The following HSBP1 variants were observed in gnomAD, a reference collection of about 807,000 sequenced individuals.
The protein encoded by HSBP1 is heat shock factor binding protein 1, also known as heat shock factor-binding protein 1.
Under a neutral mutation model 9.6 loss-of-function variants are expected in HSBP1, and 5 were observed. That is an observed-to-expected ratio of 0.52 (90% CI 0.27 to 1.09). The LOEUF (loss-of-function observed/expected upper bound fraction) is 1.09. Ranked by LOEUF, HSBP1 falls within the 50% of genes least tolerant of loss-of-function variation. HSBP1 has a pLI of 0.11. For synonymous variants in HSBP1, 42 were observed against 33.3 expected, an observed-to-expected ratio of 1.26 and a Z score of -0.90; for missense variants, 121 against 96.3, an observed-to-expected ratio of 1.26 and a Z score of -1.07.
intron 1 of HSBP1, 26 bp from the exon 2 acceptor site, chr16:83,808,654 T>C: frequency 1.9e-6 from 3 of 1,579,086 alleles, no homozygotes; most frequent in Non-Finnish European, 2.6e-6. Flanking sequence ...ATGTGGACCG[T>C]GTTTGTTTGT....
chr16:83,817,810 C>T lies in HSBP1; in HGVS notation c.*6392C>T, dbSNP rs1904755085. 1.3e-5 allele frequency: 2 copies of T among 152,126 alleles called. No individual in the cohort carries two copies. The highest frequency in any genetic ancestry group is 1.3e-4 in the Admixed American group (2 of 15,264). 9.4% of individuals were successfully genotyped at this position (152,126 alleles called of 1,614,324 possible). On this transcript the variant is annotated 3_prime_UTR_variant, in exon 4 of 4. Transcript: ENST00000433866. The stretch of plus-strand genomic sequence containing the variant: ...GTGCATTCTCCTGAAAACATAAGAC[C>T]ATTTGACTGATTCTGCTCCAGAATC...
chr16:83,808,037 T>G lies in HSBP1; in HGVS notation c.-40T>G. 1 of 1,507,542 alleles carries G rather than the reference T, an allele frequency of 6.6e-7. No homozygotes were observed. The allele number at this position is 1,507,542 out of a possible 1,614,324, so 93.4% of individuals were successfully genotyped here. On this transcript the variant is annotated 5_prime_UTR_variant, in exon 1 of 4. Coordinates refer to ENST00000433866, the MANE Select transcript of HSBP1 (RefSeq NM_001537.4). The stretch of plus-strand genomic sequence containing the variant: ...TGAGCGGACAAACGGAAGTGTAGGT[T>G]ACGGTCTGAGACATCACCGCCAAGC...
At chr16:83,810,763 G>A (rs1904584123) in intron 3 of HSBP1, among the ~76,000 whole-genome samples, 1 of 142,264 alleles carries the variant, frequency 7.0e-6, no homozygotes, top group South Asian at 2.3e-4. Context: ...GAGTCGTGAT[G>A]ATGCCACTGC....
chr16:83,809,182 G>T, intron 2 of HSBP1, 123 bp from the exon 3 acceptor site: 1 of 659,828 alleles, frequency 1.5e-6, no homozygotes, highest in Admixed American at 2.6e-5. Context: ...GCGTGTAACA[G>T]TGTCGAAAGA....
intron 1 of HSBP1, 160 bp downstream of exon 1, chr16:83,808,281 C>A: frequency 1.6e-6 from 1 of 642,628 alleles, no homozygotes; most frequent in Non-Finnish European, 2.6e-6. Context: ...ACCTTGACCC[C>A]CGGGGCGCTC....
rs1187078299 is a variant in HSBP1, at chr16:83,808,349, T to A, written c.45+228T>A. ...AGCCCGACCCCTTCCAGTAGCCCCA[T>A]TCATCTGTCGCGAACGCCCTCCGGG... On this transcript the variant is annotated intron_variant, in intron 1 of 3. Coordinates refer to ENST00000433866, the MANE Select transcript of HSBP1 (RefSeq NM_001537.4). 1.5e-5 allele frequency: 8 copies of A among 550,350 alleles called. No homozygotes were observed. The East Asian group carries it at 2.6e-4, about 18-fold the overall frequency. The allele number at this position is 550,350 out of a possible 1,614,324, so 34.1% of individuals were successfully genotyped here.
In HSBP1 at chr16:83,809,024, C is replaced by T. The variant is rs1469923101; in HGVS notation, c.112+278C>T. ...GCGCTTTTGTGTGTGTCTTTTGATG[C>T]TCAGCATGACCTTATGAGTGGGTTG... On this transcript the variant is annotated intron_variant, in intron 2 of 3. Coordinates refer to ENST00000433866, the MANE Select transcript of HSBP1 (RefSeq NM_001537.4). The T allele has an allele frequency of 2.0e-5, 11 of 547,786 alleles. No individual in the cohort carries two copies. The East Asian group carries it at 2.6e-4, about 13-fold the overall frequency. 33.9% of individuals were successfully genotyped at this position (547,786 alleles called of 1,614,324 possible). A position where few individuals can be genotyped will look rare whatever the true frequency, so the allele number is the denominator to read the frequency against.
rs887882274 is a variant in HSBP1 at position 83,811,789 on chromosome 16, C to G, written c.*371C>G. On this transcript the variant is annotated 3_prime_UTR_variant, in exon 4 of 4. Coordinates refer to ENST00000433866, the MANE Select transcript of HSBP1 (RefSeq NM_001537.4). ...ATTTTTTATTAAACAAATAGTAAACCCTTCAATTATAGTTAGTCTTGGTGA... is the reference window on the plus strand; with the variant it reads ...ATTTTTTATTAAACAAATAGTAAACGCTTCAATTATAGTTAGTCTTGGTGA... 6 of 151,896 alleles carry G rather than the reference C, an allele frequency of 4.0e-5. No homozygotes were observed. Among genetic ancestry groups the G allele is most frequent in the African/African-American group, 9.7e-5 (4 of 41,324 alleles). 9.4% of individuals were successfully genotyped at this position (151,896 alleles called of 1,614,324 possible).
intron 3 of HSBP1, among the ~76,000 whole-genome samples, chr16:83,810,006 C>T (rs1217798682): frequency 3.4e-5 from 5 of 148,016 alleles, no homozygotes; most frequent in African/African-American, 7.6e-5. Flanking sequence ...CACTGGCTAA[C>T]ATTAGATAAC....
Position 83,813,383 on chromosome 16 carries a change from TCTGTTGCCCAGGCTGGAG to T in HSBP1, c.*1966_*1983del, listed in dbSNP as rs1904645633. On this transcript the variant is annotated 3_prime_UTR_variant, in exon 4 of 4. Transcript: ENST00000433866. Reference sequence around the variant, plus strand: ...CACCTGCTAGTTTTCGAGGTCTCGCTCTGTTGCCCAGGCTGGAGTGCAGTGGCACAGTCATAGCTCACT... The same window carrying T: ...CACCTGCTAGTTTTCGAGGTCTCGCTTGCAGTGGCACAGTCATAGCTCACT... 1 of 152,596 alleles carries T rather than the reference TCTGTTGCCCAGGCTGGAG, an allele frequency of 6.6e-6. No homozygotes were observed. The highest frequency in any genetic ancestry group is 2.1e-4 in the South Asian group (1 of 4,846). The allele number at this position is 152,596 out of a possible 1,614,324, so 9.5% of individuals were successfully genotyped here.
At position 83,810,431 on chromosome 16, in the gene HSBP1, A is replaced by G. The variant is rs532519937; in HGVS notation, c.*3-990A>G. ...TTCATTTATAACATTTTAATTCTCT[A>G]TAAAAATGAATGTTGCTGAGGGAGG... On this transcript the variant is annotated intron_variant, in intron 3 of 3. Coordinates refer to ENST00000433866, the MANE Select transcript of HSBP1 (RefSeq NM_001537.4). Among the ~76,000 whole-genome samples, 4 of 151,708 alleles carry G rather than the reference A, an allele frequency of 2.6e-5. No homozygotes were observed. In the East Asian group the frequency reaches 7.7e-4, roughly 29 times the overall value.
intron 3 of HSBP1, among the ~76,000 whole-genome samples, chr16:83,809,643 A>G (rs947018079): frequency 6.6e-6 from 1 of 151,216 alleles, no homozygotes; most frequent in East Asian, 1.9e-4. Flanking sequence ...CCAATTTTGT[A>G]TTTTTAGTAG....
intron 1 of HSBP1, chr16:83,808,330 A>T: frequency 1.8e-6 from 1 of 556,052 alleles, no homozygotes; most frequent in Non-Finnish European, 3.1e-6. Flanking sequence ...CCCAAGCCCG[A>T]CCCCTTCCAG....
Position 83,808,041 on chromosome 16 carries a change from G to C in HSBP1, c.-36G>C, listed in dbSNP as rs1343606185. 1 of 1,530,088 alleles carries C rather than the reference G, an allele frequency of 6.5e-7. No individual in the cohort carries two copies. The highest frequency in any genetic ancestry group is 8.8e-7 in the Non-Finnish European group (1 of 1,136,144). The allele number at this position is 1,530,088 out of a possible 1,614,324, so 94.8% of individuals were successfully genotyped here. ...CGGACAAACGGAAGTGTAGGTTACG[G>C]TCTGAGACATCACCGCCAAGCTGGG... On this transcript the variant is annotated 5_prime_UTR_variant, in exon 1 of 4. Transcript: ENST00000433866.
At position 83,816,683 on chromosome 16, in the gene HSBP1, T is replaced by C. The variant is rs1904729369; in HGVS notation, c.*5265T>C. On this transcript the variant is annotated 3_prime_UTR_variant, in exon 4 of 4. Transcript: ENST00000433866. ...TCAAGAGTGTAGAAACCAGGGATGC[T>C]GCGTCAACACCCTACCATGCACAGG... is the stretch of plus-strand genomic sequence containing the variant. The C allele has an allele frequency of 6.6e-6, 1 of 152,142 alleles. No homozygotes were observed. Among genetic ancestry groups the C allele is most frequent in the Admixed American group, 6.5e-5 (1 of 15,276 alleles). The allele number at this position is 152,142 out of a possible 1,614,324, so 9.4% of individuals were successfully genotyped here. A position where few individuals can be genotyped will look rare whatever the true frequency, so the allele number is the denominator to read the frequency against.
chr16:83,819,045 C>G lies in HSBP1; in HGVS notation c.*7627C>G, dbSNP rs1041353285. The G allele has an allele frequency of 6.6e-6, 1 of 152,060 alleles. No homozygotes were observed. Among genetic ancestry groups the G allele is most frequent in the Non-Finnish European group, 1.5e-5 (1 of 68,038 alleles). 9.4% of individuals were successfully genotyped at this position (152,060 alleles called of 1,614,324 possible). ...AGCAGCCTGGGTTTTAACACATCCTCCAGGCGATTCTGAGAGTGAGAGAGC... is the reference window on the plus strand; with the variant it reads ...AGCAGCCTGGGTTTTAACACATCCTGCAGGCGATTCTGAGAGTGAGAGAGC... On this transcript the variant is annotated 3_prime_UTR_variant, in exon 4 of 4. Transcript: ENST00000433866.
At chr16:83,808,154 G>A (rs1228748234) in intron 1 of HSBP1, 33 bp downstream of exon 1, 18 of 1,534,730 alleles carry the variant, frequency 1.2e-5, no homozygotes, top group Non-Finnish European at 1.1e-5. Context: ...GGAGGCCGCG[G>A]CCTTCCCGGG....
In HSBP1 at chr16:83,815,554, A is replaced by C. The variant is rs969746768; in HGVS notation, c.*4136A>C. On this transcript the variant is annotated 3_prime_UTR_variant, in exon 4 of 4. Transcript: ENST00000433866. ...GCGGATCCTAACGCTTGGTCCTCAC[A>C]CCTGAGGCTCTCACTAAGAGGTGGC... 1 of 151,244 alleles carries C rather than the reference A, an allele frequency of 6.6e-6. No homozygotes were observed. Among genetic ancestry groups the C allele is most frequent in the Non-Finnish European group, 1.5e-5 (1 of 67,954 alleles). The allele number at this position is 151,244 out of a possible 1,614,324, so 9.4% of individuals were successfully genotyped here.
At chr16:83,808,456 C>G (rs1904515153) in intron 1 of HSBP1, 1 of 578,216 alleles carries the variant, frequency 1.7e-6, no homozygotes, top group East Asian at 2.9e-5. Flanking sequence ...CAGAAACAAC[C>G]TAAAGACCCT....
Sources: allele counts gnomAD v4.1 joint callset (sites outside exome capture counted in the v4.1 genomes callset), GRCh38; gene constraint gnomAD v4.1.1; transcripts MANE v1.5; gene names NCBI Gene and HGNC (gene_info 2026-07-23, HGNC 2026-07-21).